The following DLC1 variants were observed in gnomAD, a reference collection of about 807,000 sequenced individuals.
The protein encoded by DLC1 is DLC1 Rho GTPase activating protein.
Under a neutral mutation model 140.3 loss-of-function variants are expected in DLC1, and 54 were observed. The observed-to-expected ratio is 0.38, with a 90% CI of 0.31 to 0.48. DLC1 has a LOEUF of 0.48. Ranked by LOEUF, DLC1 falls within the 20% of genes least tolerant of loss-of-function variation. The probability of loss-of-function intolerance (pLI) is 0.96; values close to 1 mark genes in which losing one functional copy is unlikely to be tolerated. For missense variants in DLC1, 2,536 were observed against 1,907.0 expected, an observed-to-expected ratio of 1.33 and a Z score of -6.14; for synonymous variants, 986 against 728.1, an observed-to-expected ratio of 1.35 and a Z score of -5.70.
chr8:13,093,983 G>A (rs1448661749), intron 12 of DLC1, among the ~76,000 whole-genome samples: 2 of 152,210 alleles, frequency 1.3e-5, no homozygotes, highest in East Asian at 3.9e-4. Flanking sequence ...ATTTCTGGCA[G>A]AGACTGAGAT....
chr8:13,508,555 C>A (rs1293110934), intron 1 of DLC1, among the ~76,000 whole-genome samples: 1 of 151,882 alleles, frequency 6.6e-6, no homozygotes. Context: ...GTAACTGGGA[C>A]TACAGGTGCC....
At chr8:13,556,808 G>C (rs533147289) in intron 1 of DLC1, among the ~76,000 whole-genome samples, 1 of 152,292 alleles carries the variant, frequency 6.6e-6, no homozygotes, top group South Asian at 2.1e-4. Flanking sequence ...ACGCTGCTGA[G>C]TAGCCAGATC....
At chr8:13,227,368 C>T (rs114458400) in intron 5 of DLC1, among the ~76,000 whole-genome samples, 1,791 of 152,196 alleles carry the variant, frequency 0.012, 10 homozygotes, top group Middle Eastern at 0.034. Flanking sequence ...TCATTTAATG[C>T]AGCAGAATCC....
intron 4 of DLC1, among the ~76,000 whole-genome samples, chr8:13,373,206 G>T (rs954635298): frequency 2.6e-5 from 4 of 152,096 alleles, no homozygotes; most frequent in African/African-American, 9.7e-5. Flanking sequence ...GTGCAAACGG[G>T]TGACTGAATT....
At chr8:13,516,494 T>G (rs963139429), upstream of DLC1, among the ~76,000 whole-genome samples, 4 of 152,152 alleles carry the variant, frequency 2.6e-5, no homozygotes, top group African/African-American at 9.7e-5. Flanking sequence ...CCTTATTAGG[T>G]AGCTAAAATC....
intron 5 of DLC1, among the ~76,000 whole-genome samples, chr8:13,122,384 T>G (rs928332462): frequency 2.0e-5 from 3 of 152,154 alleles, no homozygotes; most frequent in Admixed American, 6.6e-5. Context: ...TCAAATGAAT[T>G]ACCCCTTCTT....
intron 3 of DLC1, among the ~76,000 whole-genome samples, chr8:13,396,004 C>G (rs1327017920): frequency 6.6e-6 from 1 of 151,554 alleles, no homozygotes; most frequent in Non-Finnish European, 1.5e-5. Flanking sequence ...AATTTATAAG[C>G]CATTTATATT....
At chr8:13,093,572 A>G (rs1318857101) in intron 12 of DLC1, among the ~76,000 whole-genome samples, 1 of 152,242 alleles carries the variant, frequency 6.6e-6, no homozygotes, top group Non-Finnish European at 1.5e-5. Context: ...CCTTGAATAC[A>G]TAACTCTTTA....
intron 4 of DLC1, among the ~76,000 whole-genome samples, chr8:13,309,672 T>A (rs1832592234): frequency 6.6e-6 from 1 of 152,190 alleles, no homozygotes; most frequent in Non-Finnish European, 1.5e-5. Context: ...TCTAAACATA[T>A]GTTGATTCTT....
chr8:13,378,155 G>A (rs1836084856), intron 4 of DLC1, among the ~76,000 whole-genome samples: 4 of 134,368 alleles, frequency 3.0e-5, no homozygotes, highest in South Asian at 4.9e-4. Context: ...ATGTATACAT[G>A]TGCCATGCAT....
At chr8:13,416,970 G>T (rs577056103) in intron 2 of DLC1, among the ~76,000 whole-genome samples, 14 of 151,822 alleles carry the variant, frequency 9.2e-5, no homozygotes, top group African/African-American at 3.1e-4. Context: ...TACTCGTATT[G>T]TGCTGGTAAG....
rs550511657 is a variant in DLC1, at chr8:13,521,988, C to T, written c.-125-21792G>A. On this transcript the variant is annotated intron_variant, in intron 1 of 1. Transcript: ENST00000631382. ...CACCTTTTTCTTCCCAGGTGAGGCC[C>T]TCAAATGGTTCCATTTGAAAGGAAA... 2.0e-5 allele frequency among the ~76,000 whole-genome samples: 3 copies of T among 152,234 alleles called. No homozygotes were observed. The South Asian group carries it at 6.2e-4, about 32-fold the overall frequency.
At chr8:13,552,889 A>G (rs982094539) in intron 1 of DLC1, among the ~76,000 whole-genome samples, 6 of 151,940 alleles carry the variant, frequency 3.9e-5, no homozygotes, top group Non-Finnish European at 7.4e-5. Flanking sequence ...AGAGAGCATT[A>G]ATATGTATTT....
chr8:13,528,835 C>G (rs1803002815), intron 1 of DLC1, among the ~76,000 whole-genome samples: 1 of 152,198 alleles, frequency 6.6e-6, no homozygotes, highest in African/African-American at 2.4e-5. Context: ...ACCCACTGAA[C>G]TTGGAGATAG....
intron 4 of DLC1, among the ~76,000 whole-genome samples, chr8:13,337,098 C>G (rs1528623): frequency 0.33 from 50,049 of 152,008 alleles, 8,590 homozygotes; most frequent in East Asian, 0.4. Flanking sequence ...ACCTGCTTGA[C>G]AATGCCTTTA....
intron 1 of DLC1, among the ~76,000 whole-genome samples, chr8:13,539,540 C>T (rs1355728005): frequency 6.6e-6 from 1 of 152,156 alleles, no homozygotes; most frequent in African/African-American, 2.4e-5. Context: ...AACCAGCAAG[C>T]TGAGAGCTCC....
chr8:13,381,920 A>T (rs1836279507), intron 4 of DLC1, among the ~76,000 whole-genome samples: 1 of 152,136 alleles, frequency 6.6e-6, no homozygotes, highest in Middle Eastern at 3.2e-3. Flanking sequence ...TGAGATTGGG[A>T]GGCAGGTGGA....
chr8:13,413,434 C>G lies in DLC1; in HGVS notation c.1024-11815G>C, dbSNP rs182684714. On this transcript the variant is annotated intron_variant, in intron 2 of 17. Coordinates refer to ENST00000276297, the MANE Select transcript of DLC1 (RefSeq NM_182643.3). Reference sequence around the variant, plus strand: ...TCTCTCTCTCTCTCCTACACACACACATACACGAGCACACATACAGACACA... The same window carrying G: ...TCTCTCTCTCTCTCCTACACACACAGATACACGAGCACACATACAGACACA... 5.3e-5 allele frequency among the ~76,000 whole-genome samples: 8 copies of G among 151,782 alleles called. No homozygotes were observed. In the East Asian group the frequency reaches 1.2e-3, roughly 22 times the overall value.
At chr8:13,246,658 C>CT (rs570540726) in intron 5 of DLC1, among the ~76,000 whole-genome samples, 149 of 146,000 alleles carry the variant, frequency 1.0e-3, no homozygotes, top group East Asian at 1.8e-3. Flanking sequence ...ACGACAAATG[C>CT]TTTTTTTTTT....
Sources: gnomAD v4.1 joint callset for allele counts (sites outside exome capture counted in the v4.1 genomes callset) on GRCh38, gnomAD v4.1.1 for gene constraint, MANE v1.5 for transcripts, NCBI Gene and HGNC (gene_info 2026-07-23, HGNC 2026-07-21) for gene names.